The following SLC44A1 variants were observed in gnomAD, a reference collection of about 807,000 sequenced individuals.
The protein encoded by SLC44A1 is choline transporter-like protein 1.
A neutral mutation model predicts 79.3 loss-of-function variants in SLC44A1; 26 were observed. The observed-to-expected ratio is 0.33, with a 90% CI of 0.24 to 0.46. The LOEUF is 0.46. SLC44A1 is among the 20% of genes least tolerant of loss of function. The pLI, the probability that SLC44A1 is intolerant of heterozygous loss-of-function variation, is 1.00. For synonymous variants in SLC44A1, 263 were observed against 286.2 expected, an observed-to-expected ratio of 0.92 and a Z score of 0.82; for missense variants, 688 against 798.1, an observed-to-expected ratio of 0.86 and a Z score of 1.66.
chr9:105,364,470 G>C (rs1299043747), intron 9 of SLC44A1, 85 bp from the exon 10 acceptor site: 13 of 1,112,868 alleles, frequency 1.2e-5, no homozygotes, highest in Non-Finnish European at 1.7e-5. Flanking sequence ...GCTTGGGGTA[G>C]GGACCTATTG....
intron 1 of SLC44A1, among the ~76,000 whole-genome samples, chr9:105,256,729 A>AT (rs1157565344): frequency 7.0e-6 from 1 of 143,594 alleles, no homozygotes; most frequent in Non-Finnish European, 1.5e-5. Context: ...CGCCCAGCTA[A>AT]TTTTTGTATT....
At position 105,388,896 on chromosome 9, in the gene SLC44A1, GA is replaced by G. The variant is rs1432653804; in HGVS notation, c.1951-135del. On this transcript the variant is annotated intron_variant, in intron 15 of 15. Coordinates refer to ENST00000374720, the MANE Select transcript of SLC44A1 (RefSeq NM_080546.5). ...ACATTCATAAGAATTTCAGCTCCAG[GA>G]ATTCAGGGGAGAAGGATTCTCAGTC... 5 of 684,268 alleles carry G rather than the reference GA, an allele frequency of 7.3e-6. No individual in the cohort carries two copies. In the African/African-American group the frequency reaches 8.8e-5, roughly 12 times the overall value. The allele number at this position is 684,268 out of a possible 1,614,324, so 42.4% of individuals were successfully genotyped here. A position where few individuals can be genotyped will look rare whatever the true frequency, so the allele number is the denominator to read the frequency against.
chr9:105,304,975 T>G lies in SLC44A1; in HGVS notation c.127-4749T>G, dbSNP rs1257821754. Among the ~76,000 whole-genome samples, 32 of 113,306 alleles carry G rather than the reference T, an allele frequency of 2.8e-4. 1 individual carries two copies. The highest frequency in any genetic ancestry group is 6.4e-4 in the Admixed American group (7 of 10,988). The allele number at this position is 113,306 out of a possible 152,430, so 74.3% of individuals were successfully genotyped here. ...TTTTTTTTTTTTTTTTTTTTTTTTT[T>G]TTTTTTTTTTTCAGAGTCAAGGTCT... On this transcript the variant is annotated intron_variant, in intron 2 of 15. Coordinates refer to ENST00000374720, the MANE Select transcript of SLC44A1 (RefSeq NM_080546.5).
Position 105,273,746 on chromosome 9 carries a change from C to T in SLC44A1, c.37-25474C>T, listed in dbSNP as rs564076095. Reference sequence around the variant, plus strand: ...TACCATTGTACATAGCCGTATCATACTTCATTAAGCAGTTTTGTATTGCTC... The same window carrying T: ...TACCATTGTACATAGCCGTATCATATTTCATTAAGCAGTTTTGTATTGCTC... On this transcript the variant is annotated intron_variant, in intron 1 of 15. Coordinates refer to ENST00000374720, the MANE Select transcript of SLC44A1 (RefSeq NM_080546.5). 1.6e-4 allele frequency among the ~76,000 whole-genome samples: 25 copies of T among 152,072 alleles called. No homozygotes were observed. The South Asian group carries it at 4.8e-3, about 29-fold the overall frequency.
At chr9:105,373,815 A>G (rs78955012) in intron 12 of SLC44A1, among the ~76,000 whole-genome samples, 202 of 152,320 alleles carry the variant, frequency 1.3e-3, no homozygotes, top group African/African-American at 4.6e-3. Flanking sequence ...AAGAGAACCT[A>G]TGGAAGAGAA....
At chr9:105,297,114 G>A (rs556488132) in intron 1 of SLC44A1, among the ~76,000 whole-genome samples, 9 of 152,126 alleles carry the variant, frequency 5.9e-5, no homozygotes, top group Non-Finnish European at 1.3e-4. Flanking sequence ...TTTTTTCCAT[G>A]ACTAACTAGT....
intron 1 of SLC44A1, among the ~76,000 whole-genome samples, chr9:105,261,478 C>T (rs1263871389): frequency 6.6e-6 from 1 of 152,150 alleles, no homozygotes; most frequent in Non-Finnish European, 1.5e-5. Context: ...AGATGACAAG[C>T]AGCACTGCTT....
chr9:105,388,244 A>G (rs1294219261), intron 15 of SLC44A1, among the ~76,000 whole-genome samples: 1 of 152,216 alleles, frequency 6.6e-6, no homozygotes, highest in Non-Finnish European at 1.5e-5. Context: ...ATGCATGATT[A>G]GAGTTGGCCC....
chr9:105,275,436 A>C (rs328012), intron 1 of SLC44A1, among the ~76,000 whole-genome samples: 52,436 of 152,092 alleles, frequency 0.34, 12,702 homozygotes, highest in African/African-American at 0.69. Flanking sequence ...TCAGCTCTTG[A>C]ATTTTGTTCA....
At chr9:105,283,592 C>G (rs1407253041) in intron 1 of SLC44A1, among the ~76,000 whole-genome samples, 4 of 152,170 alleles carry the variant, frequency 2.6e-5, no homozygotes, top group African/African-American at 9.7e-5. Flanking sequence ...AATCAACTGA[C>G]AGGCAGACCA....
At chr9:105,267,264 A>G (rs1216003700) in intron 1 of SLC44A1, among the ~76,000 whole-genome samples, 4 of 152,134 alleles carry the variant, frequency 2.6e-5, no homozygotes, top group Non-Finnish European at 5.9e-5. Flanking sequence ...TTGATTCTTC[A>G]TATTAAACTT....
chr9:105,292,703 A>C (rs1011617037), intron 1 of SLC44A1, among the ~76,000 whole-genome samples: 1 of 152,146 alleles, frequency 6.6e-6, no homozygotes, highest in Non-Finnish European at 1.5e-5. Context: ...AATGTTCCCC[A>C]TGTCTATTCC....
chr9:105,421,582 CT>C (rs1056443918), intron 15 of SLC44A1, among the ~76,000 whole-genome samples: 4,949 of 130,138 alleles, frequency 0.038, 168 homozygotes, highest in African/African-American at 0.13. Context: ...TCAGAAATCT[CT>C]TTTTTTTTTT....
chr9:105,369,177 G>T (rs1049142478), intron 12 of SLC44A1, among the ~76,000 whole-genome samples: 10 of 152,172 alleles, frequency 6.6e-5, no homozygotes, highest in Non-Finnish European at 4.4e-5. Context: ...GTCTTAATCT[G>T]TTCAGGCTTC....
At chr9:105,438,445 G>A (rs909653032) in exon 16 of SLC44A1, 1 of 642,644 alleles carries the variant, frequency 1.6e-6, no homozygotes, top group Non-Finnish European at 2.8e-6. Context: ...ACCACCAACA[G>A]CCAAGTGGAT....
At position 105,424,037 on chromosome 9, in the gene SLC44A1, G is replaced by A. The variant is rs2131518962; in HGVS notation, c.1951-14244G>A. ...AAATTAAAAATAATAATATAGGGCTGCATACATAAAACACATATGTACAGT... is the reference window on the plus strand; with the variant it reads ...AAATTAAAAATAATAATATAGGGCTACATACATAAAACACATATGTACAGT... On this transcript the variant is annotated intron_variant, in intron 15 of 15. Coordinates refer to the SLC44A1 transcript ENST00000374724. Among the ~76,000 whole-genome samples, 4 of 152,280 alleles carry A rather than the reference G, an allele frequency of 2.6e-5. No individual in the cohort carries two copies. The Middle Eastern group carries it at 0.01, about 388-fold the overall frequency.
chr9:105,392,920 A>G lies in SLC44A1; in HGVS notation c.*3864A>G, dbSNP rs148476606. 3.0e-4 allele frequency: 291 copies of G among 985,322 alleles called. 1 individual carries two copies. In the African/African-American group the frequency reaches 4.4e-3, roughly 15 times the overall value. The allele number at this position is 985,322 out of a possible 1,614,324, so 61.0% of individuals were successfully genotyped here. ...AAGGTCTTTAAGCTTTCGCTTTTCA[A>G]TAAGTAAGTTCTTTACTGCTTTTCT... On this transcript the variant is annotated 3_prime_UTR_variant, in exon 16 of 16. Coordinates refer to ENST00000374720, the MANE Select transcript of SLC44A1 (RefSeq NM_080546.5).
chr9:105,397,913 A>C (rs1242901939), downstream of SLC44A1, among the ~76,000 whole-genome samples: 1 of 151,740 alleles, frequency 6.6e-6, no homozygotes, highest in East Asian at 1.9e-4. Flanking sequence ...GCATCACCGC[A>C]CTCCAGCCTG....
At chr9:105,282,407 A>G (rs978702504) in intron 1 of SLC44A1, among the ~76,000 whole-genome samples, 1 of 151,952 alleles carries the variant, frequency 6.6e-6, no homozygotes, top group Admixed American at 6.6e-5. Flanking sequence ...TTTTCTTGTG[A>G]ATGTTTGCTG....
Sources: allele counts gnomAD v4.1 joint callset (sites outside exome capture counted in the v4.1 genomes callset), GRCh38; gene constraint gnomAD v4.1.1; transcripts MANE v1.5; gene names NCBI Gene and HGNC (gene_info 2026-07-23, HGNC 2026-07-21).